SPON1: variants seen among roughly 807,000 people sequenced by gnomAD.
SPON1 encodes spondin-1.
In SPON1, 52 loss-of-function variants were observed where a neutral mutation model predicts 111.7. The observed-to-expected ratio is 0.47, with a 90% confidence interval of 0.37 to 0.59. The LOEUF is 0.59. Ranked by LOEUF, SPON1 falls within the 20% of genes least tolerant of loss-of-function variation. SPON1 has a pLI of 0.00. For synonymous variants in SPON1, 410 were observed against 395.8 expected (o/e 1.04, Z -0.43); for missense variants, 957 against 1,068.5 (o/e 0.90, Z 1.46).
intron 6 of SPON1, among the ~76,000 whole-genome samples, chr11:14,173,621 GT>G (rs1387107953): frequency 1.3e-5 from 2 of 152,066 alleles, no homozygotes; most frequent in Middle Eastern, 3.2e-3. Context: ...CATCTTTGTG[GT>G]TTTATCTACC....
intron 2 of SPON1, among the ~76,000 whole-genome samples, chr11:14,033,227 C>A (rs2133809565): frequency 6.6e-6 from 1 of 152,328 alleles, no homozygotes; most frequent in East Asian, 1.9e-4. Context: ...GGAACTGGAG[C>A]CCTGACCTGG....
chr11:14,079,047 T>TG (rs1382040453), intron 4 of SPON1, among the ~76,000 whole-genome samples: 1 of 152,162 alleles, frequency 6.6e-6, no homozygotes, highest in Non-Finnish European at 1.5e-5. Flanking sequence ...CTAGAGGAAG[T>TG]GAAAAAAAGC....
intron 3 of SPON1, among the ~76,000 whole-genome samples, chr11:14,045,479 G>A (rs1242354405): frequency 6.6e-6 from 1 of 152,006 alleles, no homozygotes; most frequent in South Asian, 2.1e-4. Flanking sequence ...TCAGGAGGCC[G>A]AGGCAGGAGA....
At chr11:14,229,574 T>C (rs1053197977) in intron 6 of SPON1, among the ~76,000 whole-genome samples, 1 of 152,162 alleles carries the variant, frequency 6.6e-6, no homozygotes, top group Non-Finnish European at 1.5e-5. Flanking sequence ...TACCGTCTCA[T>C]TTAACCTCCA....
chr11:14,216,320 G>A (rs797041442), intron 6 of SPON1, among the ~76,000 whole-genome samples: 1 of 152,208 alleles, frequency 6.6e-6, no homozygotes, highest in Non-Finnish European at 1.5e-5. Flanking sequence ...TAAATCATAG[G>A]GTGCTCTGAA....
chr11:14,267,178 CAA>C lies in SPON1; in HGVS notation c.*1492_*1493del, dbSNP rs1322657605. The C allele has an allele frequency of 1.3e-5, 2 of 152,150 alleles. No homozygotes were observed. The highest frequency in any genetic ancestry group is 2.4e-5 in the African/African-American group (1 of 41,434). The allele number at this position is 152,150 out of a possible 1,614,324, so 9.4% of individuals were successfully genotyped here. A position where few individuals can be genotyped will look rare whatever the true frequency, so the allele number is the denominator to read the frequency against. Reference sequence around the variant, plus strand: ...TAGTCCTGAATATGTACTTTTAACACAAGAGAGACTATTCAATAAAAACTCAC... The same window carrying C: ...TAGTCCTGAATATGTACTTTTAACACGAGAGACTATTCAATAAAAACTCAC... On this transcript the variant is annotated 3_prime_UTR_variant, in exon 16 of 16. Coordinates refer to ENST00000576479, the MANE Select transcript of SPON1 (RefSeq NM_006108.4).
In SPON1 at chr11:14,048,725, A is replaced by G. The variant is rs940089725; in HGVS notation, c.479+7071A>G. ...ACAAGTAGCGATTGATTAAAAGAAAAAGCCGCCATGAGTAGAATAAATGTT... is the reference window on the plus strand; with the variant it reads ...ACAAGTAGCGATTGATTAAAAGAAAGAGCCGCCATGAGTAGAATAAATGTT... On this transcript the variant is annotated intron_variant, in intron 3 of 15. Coordinates refer to ENST00000576479, the MANE Select transcript of SPON1 (RefSeq NM_006108.4). 1.3e-4 allele frequency among the ~76,000 whole-genome samples: 20 copies of G among 152,286 alleles called. No homozygotes were observed. In the East Asian group the frequency reaches 3.5e-3, roughly 26 times the overall value.
intron 6 of SPON1, among the ~76,000 whole-genome samples, chr11:14,158,439 A>C (rs1314433018): frequency 6.6e-6 from 1 of 152,184 alleles, no homozygotes; most frequent in Non-Finnish European, 1.5e-5. Flanking sequence ...CTCAGAAGAA[A>C]CAGCAGTGCC....
In SPON1 at chr11:14,016,113, A is replaced by G. The variant is rs781923724; in HGVS notation, c.346-25408A>G. The stretch of plus-strand genomic sequence containing the variant: ...GAAAAGGGGAAGAAGCTCTGATGGC[A>G]GTTCCCTCTTCCTAGATTCCCTGCT... On this transcript the variant is annotated intron_variant, in intron 2 of 15. Transcript: ENST00000576479. Among the ~76,000 whole-genome samples, 3 of 152,256 alleles carry G rather than the reference A, an allele frequency of 2.0e-5. No homozygotes were observed. The South Asian group carries it at 6.2e-4, about 31-fold the overall frequency.
At chr11:14,060,099 A>AC (rs560744398) in intron 3 of SPON1, among the ~76,000 whole-genome samples, 88 of 152,094 alleles carry the variant, frequency 5.8e-4, no homozygotes, top group South Asian at 5.2e-3. Flanking sequence ...CTTCCGCTCT[A>AC]CCCCCCCAAC....
intron 6 of SPON1, among the ~76,000 whole-genome samples, chr11:14,236,029 C>G (rs1175935530): frequency 3.3e-5 from 5 of 152,140 alleles, no homozygotes; most frequent in African/African-American, 1.2e-4. Context: ...GGAGGACAGG[C>G]AGACCATGGA....
chr11:14,039,366 T>C (rs75308497), intron 2 of SPON1, among the ~76,000 whole-genome samples: 181 of 152,248 alleles, frequency 1.2e-3, no homozygotes, highest in African/African-American at 4.1e-3. Flanking sequence ...TATAGGCTCA[T>C]TGATTGTAAC....
At chr11:13,978,041 A>T (rs2133778406) in intron 1 of SPON1, among the ~76,000 whole-genome samples, 2 of 152,242 alleles carry the variant, frequency 1.3e-5, no homozygotes, top group South Asian at 4.2e-4. Context: ...AACCTAATAC[A>T]TCCTTTGTCA....
intron 2 of SPON1, among the ~76,000 whole-genome samples, chr11:14,027,696 G>A (rs781987319): frequency 2.6e-5 from 4 of 152,232 alleles, no homozygotes; most frequent in Non-Finnish European, 4.4e-5. Context: ...AGGATAGAGA[G>A]ATGTATGTTT....
rs1436867227 is a variant in SPON1, at chr11:14,265,729, G to A, written c.*42G>A. 6.3e-7 allele frequency: 1 copy of A among 1,589,822 alleles called. No individual in the cohort carries two copies. Among genetic ancestry groups the A allele is most frequent in the South Asian group, 1.1e-5 (1 of 87,724 alleles). ...CCAGGGCTGCACTCTAGATTCCAGA[G>A]TCACCAATGGCTGGATTATTTGCTT... On this transcript the variant is annotated 3_prime_UTR_variant, in exon 16 of 16. Transcript: ENST00000576479.
intron 2 of SPON1, among the ~76,000 whole-genome samples, chr11:14,009,301 G>T (rs549222673): frequency 6.6e-6 from 1 of 152,284 alleles, no homozygotes; most frequent in African/African-American, 2.4e-5. Context: ...ACCTCATCTT[G>T]TGTCATCTTC....
intron 5 of SPON1, among the ~76,000 whole-genome samples, chr11:14,097,487 C>T (rs932554174): frequency 4.6e-5 from 7 of 152,138 alleles, no homozygotes; most frequent in African/African-American, 1.4e-4. Flanking sequence ...GTTTTCATTA[C>T]GTTTTCTATC....
intron 2 of SPON1, among the ~76,000 whole-genome samples, chr11:14,008,832 G>A (rs929133555): frequency 6.6e-6 from 1 of 152,016 alleles, no homozygotes; most frequent in African/African-American, 2.4e-5. Context: ...TCTTCCTTCA[G>A]GAATTTTCCT....
chr11:13,969,215 C>CCAAAAA (rs1848043379), intron 1 of SPON1, among the ~76,000 whole-genome samples: 1 of 106,980 alleles, frequency 9.3e-6, no homozygotes, highest in East Asian at 3.0e-4. Flanking sequence ...CCCATCTCTA[C>CCAAAAA]AAAAAAAAAA....
Sources: gnomAD v4.1 joint callset for allele counts (sites outside exome capture counted in the v4.1 genomes callset) on GRCh38, gnomAD v4.1.1 for gene constraint, MANE v1.5 for transcripts, NCBI Gene and HGNC (gene_info 2026-07-23, HGNC 2026-07-21) for gene names.